CLASP2: variants seen among roughly 807,000 people sequenced by gnomAD.
CLASP2 encodes cytoplasmic linker associated protein 2.
CLASP2 carries 47 observed loss-of-function variants against 194.4 expected under a neutral mutation model. The observed-to-expected ratio is 0.24, with a 90% CI of 0.19 to 0.31. The LOEUF (loss-of-function observed/expected upper bound fraction) is 0.31. Ranked by LOEUF, CLASP2 falls within the 10% of genes least tolerant of loss-of-function variation. The pLI is 1.00. For missense variants in CLASP2, 1,445 were observed against 1,823.6 expected, an observed-to-expected ratio of 0.79 and a Z score of 3.78; for synonymous variants, 619 against 633.5, an observed-to-expected ratio of 0.98 and a Z score of 0.34.
chr3:33,588,994 AC>A (rs1367506235), intron 21 of CLASP2, among the ~76,000 whole-genome samples: 1 of 152,184 alleles, frequency 6.6e-6, no homozygotes, highest in East Asian at 1.9e-4. Flanking sequence ...TGAGACTGCA[AC>A]AGTAAATGTA....
Position 33,498,678 on chromosome 3 carries a change from C to T in CLASP2, c.4474G>A (p.Gly1492Ser). 1 of 1,613,322 alleles carries T rather than the reference C, an allele frequency of 6.2e-7. No individual in the cohort carries two copies. The highest frequency in any genetic ancestry group is 2.2e-5 in the East Asian group (1 of 44,870). ...LNLYIKRAQT[G>S]SGGADPTTDV... Reference sequence around the variant, plus strand: ...GTAGTGGGATCAGCTCCTCCAGAACCTGTTTGTGCACGTTTGATGTAAAGA... The same window carrying T: ...GTAGTGGGATCAGCTCCTCCAGAACTTGTTTGTGCACGTTTGATGTAAAGA... Residue 1492 changes from glycine (G) to serine (S), a missense_variant, in exon 39 of 39, where the codon GGT (glycine) becomes AGT (serine). Coordinates refer to ENST00000682230, the MANE Select transcript of CLASP2 (RefSeq NM_001365631.1).
intron 1 of CLASP2, among the ~76,000 whole-genome samples, chr3:33,710,635 T>A (rs1249502585): frequency 6.6e-6 from 1 of 151,972 alleles, no homozygotes; most frequent in Non-Finnish European, 1.5e-5. Context: ...CTCTAACACT[T>A]TAAATTACCG....
intron 1 of CLASP2, among the ~76,000 whole-genome samples, chr3:33,713,308 G>T (rs1479887702): frequency 6.6e-6 from 1 of 152,038 alleles, no homozygotes; most frequent in Non-Finnish European, 1.5e-5. Flanking sequence ...ATTAAAAGGG[G>T]CACTGACTCT....
intron 4 of CLASP2, among the ~76,000 whole-genome samples, chr3:33,687,724 T>C (rs2090865825): frequency 2.0e-5 from 3 of 152,208 alleles, no homozygotes; most frequent in African/African-American, 7.2e-5. Context: ...TGACATTGCA[T>C]AGAACCTAAA....
chr3:33,608,744 C>CTTTT (rs766687478), intron 13 of CLASP2, 118 bp from the exon 14 acceptor site: 125 of 159,796 alleles, frequency 7.8e-4, no homozygotes, highest in African/African-American at 1.9e-3. Flanking sequence ...TTTTAGATAT[C>CTTTT]TTTTTTTTTT....
At chr3:33,638,354 T>C (rs2080593936) in intron 8 of CLASP2, among the ~76,000 whole-genome samples, 1 of 152,196 alleles carries the variant, frequency 6.6e-6, no homozygotes, top group East Asian at 1.9e-4. Context: ...GCCCAGGCTG[T>C]AGTGCAGTGG....
intron 10 of CLASP2, among the ~76,000 whole-genome samples, chr3:33,626,418 AATAT>A (rs2078060725): frequency 6.6e-6 from 1 of 152,152 alleles, no homozygotes; most frequent in Non-Finnish European, 1.5e-5. Context: ...TGTCAACACA[AATAT>A]TATTTTAAAT....
intron 37 of CLASP2, among the ~76,000 whole-genome samples, chr3:33,509,107 T>C (rs1305178416): frequency 1.3e-5 from 2 of 152,196 alleles, no homozygotes; most frequent in African/African-American, 4.8e-5. Flanking sequence ...TTTTTTGAGA[T>C]AAGAAATTAA....
chr3:33,558,576 T>C (rs2061334653), intron 29 of CLASP2: 1 of 151,892 alleles, frequency 6.6e-6, no homozygotes. Flanking sequence ...TTATGTAAAA[T>C]TTAATAATCA....
rs1027731514 is a variant in CLASP2 at position 33,571,015 on chromosome 3, A to ATTTTTTTTTTTTTTTTTTTTTTTTTTTTT, written c.2700-226_2700-225insAAAAAAAAAAAAAAAAAAAAAAAAAAAAA. Among the ~76,000 whole-genome samples the ATTTTTTTTTTTTTTTTTTTTTTTTTTTTT allele has an allele frequency of 5.6e-5, 7 of 123,928 alleles. 1 individual carries two copies. The highest frequency in any genetic ancestry group is 2.6e-4 in the East Asian group (1 of 3,910). 81.3% of individuals were successfully genotyped at this position (123,928 alleles called of 152,430 possible). On this transcript the variant is annotated intron_variant, in intron 25 of 38. Coordinates refer to ENST00000682230, the MANE Select transcript of CLASP2 (RefSeq NM_001365631.1). ...AGATGGCAAGATCCTGTCTCTATAA[A>ATTTTTTTTTTTTTTTTTTTTTTTTTTTTT]TTTTTTTTTTTTTTTTTTGAGACGG...
intron 7 of CLASP2, among the ~76,000 whole-genome samples, chr3:33,657,141 ACAT>A (rs1575343361): frequency 6.6e-6 from 1 of 152,136 alleles, no homozygotes; most frequent in Non-Finnish European, 1.5e-5. Flanking sequence ...TAAACAAAAA[ACAT>A]CAGGTAGGGG....
At chr3:33,563,328 C>T (rs1159100002) in intron 27 of CLASP2, among the ~76,000 whole-genome samples, 1 of 152,162 alleles carries the variant, frequency 6.6e-6, no homozygotes, top group Non-Finnish European at 1.5e-5. Flanking sequence ...TGCATGTCTT[C>T]ATCCTGATTC....
chr3:33,680,832 T>C (rs1387240218), intron 6 of CLASP2, among the ~76,000 whole-genome samples: 1 of 149,174 alleles, frequency 6.7e-6, no homozygotes, highest in African/African-American at 2.5e-5. Flanking sequence ...TAAAATCTAT[T>C]TAAGAATAAT....
chr3:33,499,777 ATATCTT>A (rs2046424603), intron 38 of CLASP2, among the ~76,000 whole-genome samples: 1 of 152,184 alleles, frequency 6.6e-6, no homozygotes, highest in South Asian at 2.1e-4. Flanking sequence ...GTTTTACATT[ATATCTT>A]TATCTTTATA....
chr3:33,695,166 C>T lies in CLASP2; in HGVS notation c.274+1689G>A, dbSNP rs1022631475. Among the ~76,000 whole-genome samples the T allele has an allele frequency of 2.7e-5, 4 of 149,988 alleles. No homozygotes were observed. The South Asian group carries it at 6.3e-4, about 24-fold the overall frequency. On this transcript the variant is annotated intron_variant, in intron 2 of 38. Transcript: ENST00000682230. ...CCTTGAAATCCTGGGCCCAACCTCC[C>T]ATCTCAGCCTTCAGAGTAGCTAGGA...
intron 1 of CLASP2, among the ~76,000 whole-genome samples, chr3:33,697,356 T>C (rs1312898384): frequency 3.3e-5 from 5 of 152,184 alleles, no homozygotes; most frequent in Non-Finnish European, 2.9e-5. Context: ...ATATGGTATA[T>C]CCTATTGCTC....
chr3:33,560,122 GAA>G (rs1199220070), intron 28 of CLASP2, among the ~76,000 whole-genome samples: 1 of 152,032 alleles, frequency 6.6e-6, no homozygotes, highest in Admixed American at 6.5e-5. Context: ...AAAACCTTCT[GAA>G]AAGAGATTTA....
chr3:33,620,366 T>C (rs1454733459), intron 11 of CLASP2, among the ~76,000 whole-genome samples: 1 of 152,168 alleles, frequency 6.6e-6, no homozygotes, highest in Admixed American at 6.5e-5. Flanking sequence ...TTTCATTGTA[T>C]GATTTTAGTT....
intron 34 of CLASP2, among the ~76,000 whole-genome samples, chr3:33,521,529 C>T (rs1020577623): frequency 3.9e-5 from 6 of 152,148 alleles, no homozygotes; most frequent in African/African-American, 1.4e-4. Context: ...GACAAAACTA[C>T]ATTCAGAGAA....
Sources: gnomAD v4.1 joint callset for allele counts (sites outside exome capture counted in the v4.1 genomes callset) on GRCh38, gnomAD v4.1.1 for gene constraint, MANE v1.5 for transcripts, NCBI Gene and HGNC (gene_info 2026-07-23, HGNC 2026-07-21) for gene names.